FAM227B: variants seen among roughly 807,000 people sequenced by gnomAD.
FAM227B encodes protein FAM227B.
FAM227B carries 88 observed loss-of-function variants against 73.8 expected under a neutral mutation model. That is an observed-to-expected ratio of 1.19 (90% CI 1.00 to 1.42). FAM227B has a LOEUF of 1.42. FAM227B is among the 40% of genes most tolerant of loss of function. The pLI, the probability that FAM227B is intolerant of heterozygous loss-of-function variation, is 0.00. For synonymous variants in FAM227B, 210 were observed against 190.5 expected, an observed-to-expected ratio of 1.10 and a Z score of -0.84; for missense variants, 632 against 590.9, an observed-to-expected ratio of 1.07 and a Z score of -0.72.
chr15:49,397,223 G>T (rs925742756), intron 11 of FAM227B, among the ~76,000 whole-genome samples: 27 of 152,094 alleles, frequency 1.8e-4, no homozygotes, highest in Non-Finnish European at 4.0e-4. Context: ...GAGCCGACGC[G>T]ATCAACTAGA....
chr15:49,371,460 C>T (rs1040430481), intron 11 of FAM227B, 61 bp from the exon 12 acceptor site: 9 of 983,138 alleles, frequency 9.2e-6, no homozygotes, highest in African/African-American at 6.6e-5. Flanking sequence ...ACAGAAAAAG[C>T]ATGATACCTC....
At chr15:49,486,498 T>C (rs2056412984) in intron 11 of FAM227B, 1 of 151,992 alleles carries the variant, frequency 6.6e-6, no homozygotes, top group South Asian at 2.1e-4. Flanking sequence ...CATAATCAGT[T>C]TTCAGTGTGA....
intron 3 of FAM227B, among the ~76,000 whole-genome samples, chr15:49,599,820 G>A (rs1450822556): frequency 6.6e-6 from 1 of 151,966 alleles, no homozygotes; most frequent in African/African-American, 2.4e-5. Flanking sequence ...TTGTTTTGTG[G>A]CCCAATATAT....
chr15:49,492,215 G>T (rs1008819416), intron 11 of FAM227B, among the ~76,000 whole-genome samples: 2 of 151,864 alleles, frequency 1.3e-5, no homozygotes, highest in African/African-American at 4.8e-5. Context: ...ATATTTGATA[G>T]CATTGATAGT....
chr15:49,508,016 T>TA (rs1012135069), intron 11 of FAM227B, among the ~76,000 whole-genome samples, 195 bp downstream of exon 11: 7 of 152,124 alleles, frequency 4.6e-5, no homozygotes, highest in African/African-American at 1.4e-4. Flanking sequence ...ATAAACATTT[T>TA]AAAAAATCAT....
At chr15:49,433,801 G>A (rs2050836879) in intron 11 of FAM227B, among the ~76,000 whole-genome samples, 1 of 151,666 alleles carries the variant, frequency 6.6e-6, no homozygotes, top group Non-Finnish European at 1.5e-5. Context: ...CCACCTGACT[G>A]CCAGCTAATC....
chr15:49,569,342 T>C (rs576668375), intron 8 of FAM227B, among the ~76,000 whole-genome samples: 1 of 151,960 alleles, frequency 6.6e-6, no homozygotes, highest in East Asian at 1.9e-4. Flanking sequence ...TTTTTTTCTG[T>C]TTTTCTATTC....
chr15:49,471,415 G>A lies in FAM227B; in HGVS notation c.1012+36796C>T, dbSNP rs764993986. 1.3e-4 allele frequency among the ~76,000 whole-genome samples: 20 copies of A among 151,198 alleles called. 1 individual carries two copies. The highest frequency in any genetic ancestry group is 2.7e-4 in the Non-Finnish European group (18 of 67,842). On this transcript the variant is annotated intron_variant, in intron 11 of 15. Coordinates refer to ENST00000299338, the MANE Select transcript of FAM227B (RefSeq NM_152647.3). ...GGAGAATTGCTTGAACCTGAGAGGC[G>A]GAGGTTGTAGTGCACCTAGATGGCG...
At chr15:49,584,723 C>T (rs1286237096) in intron 5 of FAM227B, among the ~76,000 whole-genome samples, 14 of 152,032 alleles carry the variant, frequency 9.2e-5, no homozygotes, top group Admixed American at 9.2e-4. Flanking sequence ...AACACTCAAG[C>T]CAAGAGCCAA....
intron 3 of FAM227B, among the ~76,000 whole-genome samples, chr15:49,594,440 T>C (rs1410696810): frequency 1.3e-5 from 2 of 152,182 alleles, no homozygotes; most frequent in Non-Finnish European, 2.9e-5. Context: ...TTAAGTCCCA[T>C]CTATTTATCT....
chr15:49,331,852 A>G lies in FAM227B; in HGVS notation c.1350-3T>C. The G allele has an allele frequency of 1.3e-6, 2 of 1,593,750 alleles. No individual in the cohort carries two copies. The highest frequency in any genetic ancestry group is 2.7e-5 in the African/African-American group (2 of 74,622). On this transcript the variant is annotated splice_polypyrimidine_tract_variant and splice_region_variant and intron_variant, in intron 14 of 15. Coordinates refer to ENST00000299338, the MANE Select transcript of FAM227B (RefSeq NM_152647.3). ...TCTTGGTAGCCTTTGCTTGGAGTCT[A>G]ATCATGGAATAAAGAAAATCAGTAA... is the stretch of plus-strand genomic sequence containing the variant.
chr15:49,346,126 C>A (rs1043242413), intron 13 of FAM227B, among the ~76,000 whole-genome samples: 2 of 151,402 alleles, frequency 1.3e-5, no homozygotes, highest in Non-Finnish European at 2.9e-5. Flanking sequence ...TTACTGGCTG[C>A]TTGATAGATA....
At chr15:49,411,005 T>TGG (rs551054725) in intron 11 of FAM227B, among the ~76,000 whole-genome samples, 4 of 26,754 alleles carry the variant, frequency 1.5e-4, no homozygotes, top group African/African-American at 5.4e-4. Flanking sequence ...TATCTGTGTG[T>TGG]GGGGGGGGTG....
intron 10 of FAM227B, among the ~76,000 whole-genome samples, chr15:49,534,459 G>A (rs2060856905): frequency 1.3e-5 from 2 of 151,768 alleles, no homozygotes; most frequent in African/African-American, 4.8e-5. Flanking sequence ...CAACATCAGA[G>A]TGCCTAAATA....
chr15:49,456,652 A>G (rs2053322012), intron 11 of FAM227B, among the ~76,000 whole-genome samples: 1 of 152,124 alleles, frequency 6.6e-6, no homozygotes, highest in Non-Finnish European at 1.5e-5. Context: ...AAAATAAGGC[A>G]GGATAAGTGT....
At chr15:49,329,371 A>C (rs2038157455) in intron 15 of FAM227B, 1 of 984,970 alleles carries the variant, frequency 1.0e-6, no homozygotes, top group African/African-American at 1.7e-5. Context: ...TGAAATACTC[A>C]GGTAATTGAG....
chr15:49,560,646 T>C (rs2074174247), intron 9 of FAM227B, among the ~76,000 whole-genome samples: 1 of 152,164 alleles, frequency 6.6e-6, no homozygotes, highest in Non-Finnish European at 1.5e-5. Context: ...AGATTATGTA[T>C]GAAGGGAATC....
chr15:49,581,230 G>C (rs906439531), intron 5 of FAM227B, among the ~76,000 whole-genome samples: 1 of 152,024 alleles, frequency 6.6e-6, no homozygotes, highest in African/African-American at 2.4e-5. Flanking sequence ...CTAGAGAGAA[G>C]GGCAGGTAAA....
chr15:49,594,751 T>C (rs74775573), intron 3 of FAM227B, among the ~76,000 whole-genome samples: 8,416 of 152,246 alleles, frequency 0.055, 331 homozygotes, highest in East Asian at 0.13. Context: ...TTGACTTTAT[T>C]TAAAGGTTCT....
Sources: gnomAD v4.1 joint callset for allele counts (sites outside exome capture counted in the v4.1 genomes callset) on GRCh38, gnomAD v4.1.1 for gene constraint, MANE v1.5 for transcripts, NCBI Gene and HGNC (gene_info 2026-07-23, HGNC 2026-07-21) for gene names.